Variants in DOCK5 observed in about 807,000 individuals in gnomAD.
The protein encoded by DOCK5 is dedicator of cytokinesis protein 5.
DOCK5 carries 142 observed loss-of-function variants against 251.8 expected under a neutral mutation model. That is an observed-to-expected ratio of 0.56 (90% CI 0.49 to 0.65). The LOEUF (loss-of-function observed/expected upper bound fraction) is 0.65, where lower values mean the gene tolerates loss of function less well. Ranked by LOEUF, DOCK5 falls within the 30% of genes least tolerant of loss-of-function variation. DOCK5 has a pLI of 0.00. For missense variants in DOCK5, 2,111 were observed against 2,312.3 expected (o/e 0.91, Z 1.79); for synonymous variants, 842 against 835.5 (o/e 1.01, Z -0.13).
In DOCK5 at chr8:25,413,597, G is replaced by C. The variant is rs1801665922; in HGVS notation, c.*2299G>C. 6.6e-6 allele frequency: 1 copy of C among 152,034 alleles called. No individual in the cohort carries two copies. Among genetic ancestry groups the C allele is most frequent in the East Asian group, 1.9e-4 (1 of 5,180 alleles). The allele number at this position is 152,034 out of a possible 1,614,324, so 9.4% of individuals were successfully genotyped here. A position where few individuals can be genotyped will look rare whatever the true frequency, so the allele number is the denominator to read the frequency against. On this transcript the variant is annotated 3_prime_UTR_variant, in exon 52 of 52. Transcript: ENST00000276440. ...ATTAAAATAGAAAGATATAAAACTG[G>C]GTCACCAAAAAAACCAAACCTCAAG...
chr8:25,377,653 C>A (rs889011410), intron 38 of DOCK5, among the ~76,000 whole-genome samples: 4 of 152,188 alleles, frequency 2.6e-5, no homozygotes, highest in African/African-American at 9.7e-5. Flanking sequence ...ACTGCCCCCT[C>A]AGGTTTAATA....
intron 1 of DOCK5, among the ~76,000 whole-genome samples, chr8:25,232,703 C>G (rs1325114166): frequency 6.6e-6 from 1 of 152,096 alleles, no homozygotes; most frequent in African/African-American, 2.4e-5. Flanking sequence ...TTAATTACCT[C>G]CCAAAAGCCC....
intron 40 of DOCK5, among the ~76,000 whole-genome samples, chr8:25,388,315 A>T (rs767649466): frequency 6.9e-4 from 105 of 152,194 alleles, no homozygotes; most frequent in Non-Finnish European, 1.3e-3. Context: ...AGTGTTGCTT[A>T]AAAAGGAATC....
intron 26 of DOCK5, among the ~76,000 whole-genome samples, chr8:25,346,886 G>A (rs185276425): frequency 2.0e-5 from 3 of 151,820 alleles, no homozygotes; most frequent in Admixed American, 6.6e-5. Flanking sequence ...CCTAGAAATA[G>A]TGCAGCCCAC....
At chr8:25,363,928 A>G (rs1363412916) in intron 29 of DOCK5, among the ~76,000 whole-genome samples, 4 of 152,204 alleles carry the variant, frequency 2.6e-5, no homozygotes, top group African/African-American at 4.8e-5. Flanking sequence ...TCGATTTTCC[A>G]TACCCCATTC....
At chr8:25,345,910 C>T (rs112630434) in intron 26 of DOCK5, among the ~76,000 whole-genome samples, 51 of 152,022 alleles carry the variant, frequency 3.4e-4, no homozygotes, top group East Asian at 2.0e-3. Flanking sequence ...AGTGCAGTGG[C>T]GCGATCTCGG....
intron 1 of DOCK5, among the ~76,000 whole-genome samples, chr8:25,185,288 G>A (rs905613685): frequency 6.6e-6 from 1 of 152,304 alleles, no homozygotes; most frequent in South Asian, 2.1e-4. Context: ...TCTGTGGCTC[G>A]CCCCGGTGCG....
chr8:25,299,213 T>G (rs2117163112), intron 8 of DOCK5, 112 bp downstream of exon 8: 1 of 1,260,760 alleles, frequency 7.9e-7, no homozygotes, highest in Non-Finnish European at 1.1e-6. Context: ...TAGGGAAGCA[T>G]GGAAGATTTC....
Position 25,354,040 on chromosome 8 carries a change from AAAAAAAAAC to A in DOCK5, c.2850+2218_2850+2226del, listed in dbSNP as rs1368787404. Among the ~76,000 whole-genome samples, 92 of 105,798 alleles carry A rather than the reference AAAAAAAAAC, an allele frequency of 8.7e-4. 1 individual carries two copies. Among genetic ancestry groups the A allele is most frequent in the African/African-American group, 2.6e-3 (82 of 30,958 alleles). The allele number at this position is 105,798 out of a possible 152,430, so 69.4% of individuals were successfully genotyped here. ...GAGACTTTGTCTTAAAAAAAAAAAA[AAAAAAAAAC>A]AAACAAAAAAAAAAACGTAGGAGAG... On this transcript the variant is annotated intron_variant, in intron 27 of 51. Transcript: ENST00000276440.
rs774564884 is a variant in DOCK5 at position 25,323,871 on chromosome 8, T to C, written c.1639T>C (p.Phe547Leu). 1 of 1,613,388 alleles carries C rather than the reference T, an allele frequency of 6.2e-7. No individual in the cohort carries two copies. The highest frequency in any genetic ancestry group is 8.5e-7 in the Non-Finnish European group (1 of 1,179,704). Residue 547 changes from phenylalanine (F) to leucine (L), a missense_variant, in exon 17 of 52, where the codon TTT becomes CTT. Transcript: ENST00000276440. ...AGCCAGAGATAAATCGGAGCGAGCA[T>C]TTGGGGTGGCCTTCGTGAAGCTGAT... ...QETRDKSERA[F>L]GVAFVKLMNP...
rs755956844 is a variant in DOCK5 at position 25,377,431 on chromosome 8, A to G, written c.3936+7A>G. ...ATATTTCGACAAAGGCAAAGTGAGT[A>G]TTGGATTGTTTTTGTACTAGGGGAA... On this transcript the variant is annotated splice_region_variant and intron_variant, in intron 38 of 51. Transcript: ENST00000276440. 2 of 1,612,404 alleles carry G rather than the reference A, an allele frequency of 1.2e-6. No homozygotes were observed. The highest frequency in any genetic ancestry group is 1.1e-5 in the South Asian group (1 of 90,952).
intron 2 of DOCK5, among the ~76,000 whole-genome samples, chr8:25,261,953 G>A (rs1326862738): frequency 6.6e-6 from 1 of 152,118 alleles, no homozygotes; most frequent in Non-Finnish European, 1.5e-5. Context: ...GTATTGCCAG[G>A]TATAACTATA....
At chr8:25,237,656 A>G (rs1037825484) in intron 1 of DOCK5, among the ~76,000 whole-genome samples, 2 of 152,216 alleles carry the variant, frequency 1.3e-5, no homozygotes, top group Non-Finnish European at 2.9e-5. Flanking sequence ...GAAGAATTCC[A>G]GCAATTTGTC....
Position 25,361,655 on chromosome 8 carries a change from C to T in DOCK5, c.2950-1392C>T, listed in dbSNP as rs142210312. Among the ~76,000 whole-genome samples, 75 of 152,044 alleles carry T rather than the reference C, an allele frequency of 4.9e-4. No homozygotes were observed. In the East Asian group the frequency reaches 0.012, roughly 25 times the overall value. The stretch of plus-strand genomic sequence containing the variant: ...TAAGTAAATAAAATATATGATGAAA[C>T]GAATTTGAATTCATTAATTATGTCT... On this transcript the variant is annotated intron_variant, in intron 28 of 51. Coordinates refer to ENST00000276440, the MANE Select transcript of DOCK5 (RefSeq NM_024940.8).
Position 25,411,199 on chromosome 8 carries a change from TC to T in DOCK5, c.5519del (p.Pro1840HisfsTer64). On this transcript the variant is annotated frameshift_variant, in exon 52 of 52. Transcript: ENST00000276440. LOFTEE classifies it high-confidence loss of function. Reference protein sequence around the residue: ...GSQRNSTELAPPLPVRREAKA... With the variant: ...GSQRNSTELAXPLPVRREAKA... ...TTGTGTTTCTGCTTCTGCAGCTCGCTCCCCCACTGCCTGTCCGAAGAGAAGC... is the reference window on the plus strand; with the variant it reads ...TTGTGTTTCTGCTTCTGCAGCTCGCTCCCCACTGCCTGTCCGAAGAGAAGC... 1 of 1,566,820 alleles carries T rather than the reference TC, an allele frequency of 6.4e-7. No homozygotes were observed. Among genetic ancestry groups the T allele is most frequent in the Admixed American group, 1.9e-5 (1 of 53,018 alleles).
At chr8:25,403,772 C>T in intron 48 of DOCK5, 48 bp downstream of exon 48, 1 of 1,589,714 alleles carries the variant, frequency 6.3e-7, no homozygotes. Context: ...TAACGCCTTA[C>T]TAATGTTTGC....
chr8:25,227,266 G>T (rs1255795750), intron 1 of DOCK5, among the ~76,000 whole-genome samples: 1 of 152,134 alleles, frequency 6.6e-6, no homozygotes, highest in African/African-American at 2.4e-5. Context: ...GTAGAAAATG[G>T]CTTGCTGTGA....
intron 13 of DOCK5, among the ~76,000 whole-genome samples, chr8:25,315,643 A>G (rs936559836): frequency 6.6e-5 from 10 of 152,250 alleles, no homozygotes; most frequent in African/African-American, 2.2e-4. Flanking sequence ...AAACACCGCA[A>G]TGAATATCCT....
chr8:25,220,739 G>A (rs1431883804), intron 1 of DOCK5, among the ~76,000 whole-genome samples: 1 of 152,036 alleles, frequency 6.6e-6, no homozygotes, highest in Non-Finnish European at 1.5e-5. Context: ...CAGACTCCTG[G>A]GATTACAGAT....
Sources: gnomAD v4.1 joint callset for allele counts (sites outside exome capture counted in the v4.1 genomes callset) on GRCh38, gnomAD v4.1.1 for gene constraint, MANE v1.5 for transcripts, NCBI Gene and HGNC (gene_info 2026-07-23, HGNC 2026-07-21) for gene names.